The following SLC39A11 variants were observed in gnomAD, a reference collection of about 807,000 sequenced individuals.
The protein encoded by SLC39A11 is solute carrier family 39 member 11, also known as zinc transporter ZIP11.
Under a neutral mutation model 36.1 loss-of-function variants are expected in SLC39A11, and 33 were observed. The ratio of observed to expected loss-of-function variants is 0.91; its 90% CI spans 0.69 to 1.22. SLC39A11 has a LOEUF of 1.22. SLC39A11 is among the 50% of genes most tolerant of loss of function. SLC39A11 has a pLI of 0.00. For synonymous variants in SLC39A11, 166 were observed against 170.3 expected, an observed-to-expected ratio of 0.97 and a Z score of 0.20; for missense variants, 432 against 430.3, an observed-to-expected ratio of 1.00 and a Z score of -0.03.
rs112724500 is a variant in SLC39A11, at chr17:72,719,121, C to A, written c.671+17529G>T. Among the ~76,000 whole-genome samples the A allele has an allele frequency of 6.5e-3, 984 of 152,200 alleles. 4 individuals carry two copies. The highest frequency in any genetic ancestry group is 8.7e-3 in the Non-Finnish European group (590 of 67,996). On this transcript the variant is annotated intron_variant, in intron 7 of 9. Coordinates refer to ENST00000255559, the MANE Select transcript of SLC39A11 (RefSeq NM_139177.4). ...AATTAGCCAGGTGTGATGGCACATG[C>A]CTGTAGTCCCAGCTATTTGGGAGGC...
intron 6 of SLC39A11, among the ~76,000 whole-genome samples, chr17:72,841,804 G>A (rs2078825432): frequency 6.6e-6 from 1 of 152,108 alleles, no homozygotes; most frequent in Admixed American, 6.6e-5. Flanking sequence ...GCTCACACCT[G>A]TAATCCTAGC....
intron 6 of SLC39A11, among the ~76,000 whole-genome samples, chr17:72,773,123 G>A (rs1392514627): frequency 6.6e-6 from 1 of 152,108 alleles, no homozygotes; most frequent in Non-Finnish European, 1.5e-5. Flanking sequence ...AAAAAGAAAT[G>A]CACAGATATT....
chr17:72,754,055 C>CAA (rs1568034974), intron 6 of SLC39A11, among the ~76,000 whole-genome samples: 26 of 25,706 alleles, frequency 1.0e-3, no homozygotes, highest in African/African-American at 2.9e-3. Context: ...TACACATACA[C>CAA]ACACACACAC....
chr17:72,874,940 T>A (rs2080818498), intron 5 of SLC39A11, among the ~76,000 whole-genome samples: 1 of 152,118 alleles, frequency 6.6e-6, no homozygotes, highest in Admixed American at 6.5e-5. Context: ...GTACCCCAAA[T>A]GAAGCTAAAG....
chr17:72,829,517 G>A (rs2078178329), intron 6 of SLC39A11, among the ~76,000 whole-genome samples: 1 of 152,096 alleles, frequency 6.6e-6, no homozygotes, highest in African/African-American at 2.4e-5. Context: ...CCAGCTCAAG[G>A]GCAGCTGGGC....
chr17:72,796,811 C>A (rs1221931721), intron 6 of SLC39A11, among the ~76,000 whole-genome samples: 1 of 152,188 alleles, frequency 6.6e-6, no homozygotes, highest in East Asian at 1.9e-4. Context: ...AGGGGTTTCA[C>A]TGACATGCTC....
chr17:73,009,006 G>A (rs1012778834), intron 4 of SLC39A11, among the ~76,000 whole-genome samples: 5 of 145,314 alleles, frequency 3.4e-5, no homozygotes, highest in Non-Finnish European at 7.4e-5. Context: ...AGGCTGCAGT[G>A]AGCTGCCATT....
chr17:72,708,111 A>C (rs1461850134), intron 7 of SLC39A11, among the ~76,000 whole-genome samples: 1 of 152,236 alleles, frequency 6.6e-6, no homozygotes, highest in African/African-American at 2.4e-5. Flanking sequence ...CTGCTTGAGC[A>C]GCCCCAGCAA....
At chr17:73,090,031 C>G (rs2060873710) in intron 1 of SLC39A11, among the ~76,000 whole-genome samples, 1 of 152,168 alleles carries the variant, frequency 6.6e-6, no homozygotes, top group Non-Finnish European at 1.5e-5. Context: ...ATTCATCTCC[C>G]TGATGGTCTG....
At chr17:72,763,945 A>G (rs191862089) in intron 6 of SLC39A11, among the ~76,000 whole-genome samples, 1 of 151,880 alleles carries the variant, frequency 6.6e-6, no homozygotes, top group East Asian at 1.9e-4. Flanking sequence ...TTCAGCACCT[A>G]CCTCCCAGGA....
chr17:72,984,980 G>A (rs1192560533), intron 4 of SLC39A11, among the ~76,000 whole-genome samples: 1 of 152,170 alleles, frequency 6.6e-6, no homozygotes, highest in East Asian at 1.9e-4. Context: ...TCTCTGGTTA[G>A]GAACAAAGAA....
intron 7 of SLC39A11, among the ~76,000 whole-genome samples, chr17:72,698,152 C>T (rs2072407577): frequency 6.6e-6 from 1 of 152,128 alleles, no homozygotes; most frequent in African/African-American, 2.4e-5. Context: ...GTCTCCACGT[C>T]TACTTTTACT....
At chr17:72,698,880 G>C (rs1243096277) in intron 7 of SLC39A11, among the ~76,000 whole-genome samples, 1 of 152,272 alleles carries the variant, frequency 6.6e-6, no homozygotes, top group Non-Finnish European at 1.5e-5. Context: ...GCCCAGGCTG[G>C]AGTGCAGTGG....
intron 7 of SLC39A11, among the ~76,000 whole-genome samples, chr17:72,676,601 T>C (rs2071272686): frequency 6.6e-6 from 1 of 152,186 alleles, no homozygotes; most frequent in African/African-American, 2.4e-5. Flanking sequence ...AATGTCTGCT[T>C]ACAAAGTTGG....
At chr17:72,952,648 ATTG>A (rs2085951481) in intron 4 of SLC39A11, among the ~76,000 whole-genome samples, 1 of 152,116 alleles carries the variant, frequency 6.6e-6, no homozygotes, top group Admixed American at 6.5e-5. Context: ...TTTACTTGAT[ATTG>A]TTGTTTACAT....
At chr17:73,079,059 C>T (rs1317544838) in intron 3 of SLC39A11, among the ~76,000 whole-genome samples, 1 of 151,958 alleles carries the variant, frequency 6.6e-6, no homozygotes, top group Non-Finnish European at 1.5e-5. Context: ...AGAATATATC[C>T]TAAAGCAACT....
intron 5 of SLC39A11, among the ~76,000 whole-genome samples, chr17:72,903,478 A>T (rs1020135483): frequency 1.2e-4 from 19 of 152,092 alleles, no homozygotes; most frequent in African/African-American, 4.6e-4. Flanking sequence ...AAAGTTGCTC[A>T]CGCTCTGTAG....
chr17:72,788,602 G>A (rs2567522), intron 6 of SLC39A11, among the ~76,000 whole-genome samples: 4,289 of 152,344 alleles, frequency 0.028, 146 homozygotes, highest in African/African-American at 0.078. Context: ...AGAAAAGGGA[G>A]TATAAGAATA....
intron 2 of SLC39A11, among the ~76,000 whole-genome samples, chr17:73,085,060 T>G (rs923910503): frequency 1.3e-5 from 2 of 152,214 alleles, no homozygotes; most frequent in African/African-American, 4.8e-5. Context: ...AGAAGCGTTC[T>G]TTCAAGTGGT....
Sources: gnomAD v4.1 joint callset for allele counts (sites outside exome capture counted in the v4.1 genomes callset) on GRCh38, gnomAD v4.1.1 for gene constraint, MANE v1.5 for transcripts, NCBI Gene and HGNC (gene_info 2026-07-23, HGNC 2026-07-21) for gene names.